The following FAM13A variants were observed in gnomAD, a reference collection of about 807,000 sequenced individuals.
The protein encoded by FAM13A is protein FAM13A.
FAM13A carries 76 observed loss-of-function variants against 129.6 expected under a neutral mutation model. The ratio of observed to expected loss-of-function variants is 0.59; its 90% CI spans 0.49 to 0.71. The LOEUF is 0.71. Among genes scored for constraint, FAM13A ranks in the 30% least tolerant of loss-of-function variants. The probability of loss-of-function intolerance (pLI) is 0.00; values close to 1 mark genes in which losing one functional copy is unlikely to be tolerated. For synonymous variants in FAM13A, 443 were observed against 449.9 expected (o/e 0.98, Z 0.20); for missense variants, 1,108 against 1,249.3 (o/e 0.89, Z 1.70).
chr4:88,758,663 CCA>C, intron 14 of FAM13A, 89 bp downstream of exon 14: 1 of 1,313,762 alleles, frequency 7.6e-7, no homozygotes, highest in Non-Finnish European at 1.1e-6. Flanking sequence ...GCTCTTTCAC[CCA>C]CACTCTCACA....
chr4:89,046,259 C>T (rs529430627), intron 1 of FAM13A, among the ~76,000 whole-genome samples: 59 of 151,988 alleles, frequency 3.9e-4, no homozygotes, highest in African/African-American at 1.4e-3. Flanking sequence ...AAAAGTATAA[C>T]CATGTAATAT....
intron 10 of FAM13A, among the ~76,000 whole-genome samples, chr4:88,783,776 T>C (rs1723427576): frequency 6.6e-6 from 1 of 151,936 alleles, no homozygotes; most frequent in Non-Finnish European, 1.5e-5. Context: ...ACTAATGTCA[T>C]TGTAAGAAGA....
chr4:88,881,142 C>T (rs1361641879), intron 6 of FAM13A, among the ~76,000 whole-genome samples: 2 of 152,256 alleles, frequency 1.3e-5, no homozygotes, highest in African/African-American at 4.8e-5. Context: ...TCTCTTGAAA[C>T]TGCCACCTCC....
At chr4:88,749,354 A>G (rs1471465525) in intron 16 of FAM13A, among the ~76,000 whole-genome samples, 1 of 152,212 alleles carries the variant, frequency 6.6e-6, no homozygotes, top group Non-Finnish European at 1.5e-5. Context: ...ACAGAGGGGT[A>G]TATGATGTTT....
At chr4:88,810,802 A>G (rs1266727553) in intron 7 of FAM13A, among the ~76,000 whole-genome samples, 2 of 152,192 alleles carry the variant, frequency 1.3e-5, no homozygotes, top group African/African-American at 4.8e-5. Flanking sequence ...ATGATGATTC[A>G]GTTAGAAACA....
At chr4:88,831,119 A>C (rs1459009943) in intron 7 of FAM13A, among the ~76,000 whole-genome samples, 4 of 152,198 alleles carry the variant, frequency 2.6e-5, no homozygotes, top group Non-Finnish European at 5.9e-5. Context: ...AAAAATCCAC[A>C]GTTTTGCCAG....
chr4:88,822,235 C>A (rs942342774), intron 7 of FAM13A, among the ~76,000 whole-genome samples: 34 of 152,224 alleles, frequency 2.2e-4, no homozygotes, highest in African/African-American at 7.2e-4. Context: ...CTTGGGCAGC[C>A]CTGAGGCCCT....
At chr4:89,038,804 TG>T (rs1291112748) in intron 1 of FAM13A, among the ~76,000 whole-genome samples, 7 of 152,266 alleles carry the variant, frequency 4.6e-5, no homozygotes, top group Non-Finnish European at 7.4e-5. Flanking sequence ...CACTTAATAA[TG>T]TAAGCAAGGA....
intron 3 of FAM13A, among the ~76,000 whole-genome samples, chr4:89,011,207 C>G (rs1030076683): frequency 6.0e-5 from 9 of 149,390 alleles, no homozygotes; most frequent in African/African-American, 2.2e-4. Flanking sequence ...CTGTCTGTCT[C>G]TGGTAACCTT....
intron 4 of FAM13A, among the ~76,000 whole-genome samples, chr4:88,979,838 G>T (rs1292478246): frequency 6.6e-6 from 1 of 152,090 alleles, no homozygotes; most frequent in Non-Finnish European, 1.5e-5. Context: ...AGGTGTGGTG[G>T]CATGTGTCTG....
chr4:88,860,854 A>AG (rs1372098163), intron 6 of FAM13A, among the ~76,000 whole-genome samples: 1 of 152,222 alleles, frequency 6.6e-6, no homozygotes, highest in Non-Finnish European at 1.5e-5. Flanking sequence ...TTCCTCCATT[A>AG]GGGCGCCACT....
At chr4:88,920,099 T>C (rs554671106) in intron 5 of FAM13A, among the ~76,000 whole-genome samples, 1 of 152,338 alleles carries the variant, frequency 6.6e-6, no homozygotes, top group South Asian at 2.1e-4. Flanking sequence ...CCTGCCTCTG[T>C]AGGCTCCACC....
At chr4:88,880,692 G>A (rs1184549120) in intron 6 of FAM13A, among the ~76,000 whole-genome samples, 1 of 151,606 alleles carries the variant, frequency 6.6e-6, no homozygotes, top group Non-Finnish European at 1.5e-5. Flanking sequence ...TTTCTCAGCC[G>A]GGAGGCTGGC....
chr4:89,020,491 C>A lies in FAM13A; in HGVS notation c.396G>T (p.Ala132=). The A allele has an allele frequency of 6.2e-7, 1 of 1,613,916 alleles. No individual in the cohort carries two copies. The highest frequency in any genetic ancestry group is 8.5e-7 in the Non-Finnish European group (1 of 1,179,894). ...AGAGTTGAATGAATCGAGGCTGCAA[C>A]GCTGAGGTGATCAGACTGTCAGGCA... ...RELPDSLITS[A]LQPRFIQLFQ... Residue 132 remains alanine, a synonymous_variant, in exon 3 of 24, where the codon GCG becomes GCT. Transcript: ENST00000264344.
chr4:89,030,262 AT>A (rs766469770), intron 1 of FAM13A, among the ~76,000 whole-genome samples: 4 of 152,050 alleles, frequency 2.6e-5, no homozygotes, highest in Non-Finnish European at 5.9e-5. Context: ...GCAATTTTAA[AT>A]TTTTCAACAA....
At chr4:89,028,242 ATTGT>A (rs1191422846) in intron 2 of FAM13A, among the ~76,000 whole-genome samples, 1 of 151,324 alleles carries the variant, frequency 6.6e-6, no homozygotes, top group Non-Finnish European at 1.5e-5. Flanking sequence ...AAACTGATGA[ATTGT>A]TTATTTCTAA....
At chr4:88,825,416 C>A (rs923679592) in intron 7 of FAM13A, among the ~76,000 whole-genome samples, 3 of 151,968 alleles carry the variant, frequency 2.0e-5, no homozygotes, top group Non-Finnish European at 4.4e-5. Context: ...GGGGTTTCAC[C>A]ATGTTGGTCA....
intron 19 of FAM13A, among the ~76,000 whole-genome samples, chr4:88,740,500 T>C (rs1186605834): frequency 6.6e-6 from 1 of 152,210 alleles, no homozygotes; most frequent in Non-Finnish European, 1.5e-5. Flanking sequence ...TGCAGTCCCA[T>C]TGGTTACTTA....
intron 6 of FAM13A, among the ~76,000 whole-genome samples, chr4:88,883,945 C>T (rs962162059): frequency 2.2e-4 from 33 of 152,012 alleles, no homozygotes; most frequent in Admixed American, 2.0e-3. Flanking sequence ...ACAGACAACC[C>T]TCCTAGATTA....
Sources: gnomAD v4.1 joint callset for allele counts (sites outside exome capture counted in the v4.1 genomes callset) on GRCh38, gnomAD v4.1.1 for gene constraint, MANE v1.5 for transcripts, NCBI Gene and HGNC (gene_info 2026-07-23, HGNC 2026-07-21) for gene names.